The following ADIPOR1 variants were observed in gnomAD, a reference collection of about 807,000 sequenced individuals.
ADIPOR1 encodes adiponectin receptor 1, also known as adiponectin receptor protein 1.
A neutral mutation model predicts 37.5 loss-of-function variants in ADIPOR1; 15 were observed. That is an observed-to-expected ratio of 0.40 (90% CI 0.27 to 0.62). The LOEUF (loss-of-function observed/expected upper bound fraction) is 0.62, where lower values mean the gene tolerates loss of function less well. Among genes scored for constraint, ADIPOR1 ranks in the 20% least tolerant of loss-of-function variants. The pLI is 0.42. For missense variants in ADIPOR1, 286 were observed against 478.0 expected, an observed-to-expected ratio of 0.60 and a Z score of 3.75; for synonymous variants, 173 against 173.2, an observed-to-expected ratio of 1.00 and a Z score of 0.01.
rs372980347 is a variant in ADIPOR1 at position 202,943,909 on chromosome 1, C to T, written c.654G>A (p.Gly218=). Residue 218 remains glycine (G), a synonymous_variant, in exon 6 of 8, where the codon GGG becomes GGA. Transcript: ENST00000340990. ...AATAATAGAGCCAGGGGACAAAGCTCCCCATAATTAGAAGAGCAATCCCTG... is the reference window on the plus strand; with the variant it reads ...AATAATAGAGCCAGGGGACAAAGCTTCCCATAATTAGAAGAGCAATCCCTG... ...DYSGIALLIM[G]SFVPWLYYSF... 1.4e-5 allele frequency: 22 copies of T among 1,613,730 alleles called. 1 individual carries two copies. In the African/African-American group the frequency reaches 2.4e-4, roughly 18 times the overall value.
chr1:202,944,192 G>C (rs1225198092), intron 5 of ADIPOR1: 3 of 380,092 alleles, frequency 7.9e-6, no homozygotes, highest in Non-Finnish European at 9.6e-6. Flanking sequence ...TCCCTTACTA[G>C]TGAACAGCCG....
intron 2 of ADIPOR1, 30 bp from the exon 3 acceptor site, chr1:202,948,450 G>A (rs1191712330): frequency 6.3e-7 from 1 of 1,584,108 alleles, no homozygotes; most frequent in African/African-American, 1.3e-5. Flanking sequence ...CAACAATCCA[G>A]GGAGTCATCT....
chr1:202,948,170 A>G (rs1375414654), intron 3 of ADIPOR1, 134 bp downstream of exon 3: 8 of 687,476 alleles, frequency 1.2e-5, no homozygotes, highest in Non-Finnish European at 1.9e-5. Flanking sequence ...GATTTACCTC[A>G]TCTTAACCAA....
At chr1:202,946,750 G>T in intron 3 of ADIPOR1, 140 bp from the exon 4 acceptor site, 2 of 752,762 alleles carry the variant, frequency 2.7e-6, no homozygotes, top group Non-Finnish European at 4.4e-6. Flanking sequence ...AGCCTGGACT[G>T]GGGGATATCC....
At chr1:202,941,775 G>A (rs917993288) in intron 7 of ADIPOR1, 74 bp from the exon 8 acceptor site, 1 of 1,527,742 alleles carries the variant, frequency 6.5e-7, no homozygotes, top group African/African-American at 1.4e-5. Flanking sequence ...GAAAGCATTT[G>A]CTTCTTCTAG....
At chr1:202,953,852 C>T (rs750809552) in intron 1 of ADIPOR1, among the ~76,000 whole-genome samples, 2 of 152,180 alleles carry the variant, frequency 1.3e-5, no homozygotes, top group Non-Finnish European at 2.9e-5. Context: ...AATGGTCACA[C>T]ACTAAATTTA....
upstream of ADIPOR1, chr1:202,958,545 C>G (rs930933045): frequency 1.3e-5 from 2 of 152,498 alleles, no homozygotes; most frequent in Non-Finnish European, 2.9e-5. Context: ...TACACTCCAC[C>G]TCGTTATCGC....
At chr1:202,948,026 C>T (rs1256255414) in intron 3 of ADIPOR1, among the ~76,000 whole-genome samples, 3 of 152,208 alleles carry the variant, frequency 2.0e-5, no homozygotes, top group Non-Finnish European at 4.4e-5. Flanking sequence ...CAAAGGCATT[C>T]ATATTACTGT....
At chr1:202,956,577 A>T (rs1179800239) in intron 1 of ADIPOR1, among the ~76,000 whole-genome samples, 4 of 152,204 alleles carry the variant, frequency 2.6e-5, no homozygotes, top group Non-Finnish European at 5.9e-5. Context: ...GGAGGAATTC[A>T]AAAGAAAAGT....
chr1:202,952,007 C>T (rs1654595707), intron 1 of ADIPOR1, among the ~76,000 whole-genome samples: 1 of 152,064 alleles, frequency 6.6e-6, no homozygotes. Context: ...CAGAAAAACC[C>T]AGAATTCCAT....
At position 202,958,245 on chromosome 1, in the gene ADIPOR1, G is replaced by A. The variant is rs1011825002; in HGVS notation, c.-155C>T. ...CCCCGCGCTACATCCCGCGGCGCTG[G>A]AGGCGGCCTGCGGCCGAGCGGCCCC... On this transcript the variant is annotated 5_prime_UTR_variant, in exon 1 of 8. Transcript: ENST00000340990. 6.6e-6 allele frequency: 1 copy of A among 151,846 alleles called. No individual in the cohort carries two copies. Among genetic ancestry groups the A allele is most frequent in the Non-Finnish European group, 1.5e-5 (1 of 68,000 alleles). 9.4% of individuals were successfully genotyped at this position (151,846 alleles called of 1,614,324 possible). A position where few individuals can be genotyped will look rare whatever the true frequency, so the allele number is the denominator to read the frequency against.
chr1:202,955,399 AT>A (rs35989591), intron 1 of ADIPOR1, among the ~76,000 whole-genome samples: 61,616 of 151,518 alleles, frequency 0.41, 13,026 homozygotes, highest in East Asian at 0.62. Flanking sequence ...AGCTAATTTT[AT>A]TTTTTTGTAG....
chr1:202,951,843 G>A (rs1196949641), intron 1 of ADIPOR1, among the ~76,000 whole-genome samples: 1 of 152,204 alleles, frequency 6.6e-6, no homozygotes, highest in Non-Finnish European at 1.5e-5. Flanking sequence ...CTGGAAGCAG[G>A]AAGGTGAAGA....
intron 6 of ADIPOR1, among the ~76,000 whole-genome samples, chr1:202,943,521 C>G (rs981567378): frequency 3.3e-5 from 5 of 152,206 alleles, no homozygotes; most frequent in African/African-American, 1.2e-4. Context: ...TACATCTGTG[C>G]TTGCAGTTAA....
rs866324938 is a variant in ADIPOR1 at position 202,953,111 on chromosome 1, G to A, written c.-94-1947C>T. On this transcript the variant is annotated intron_variant, in intron 1 of 7. Transcript: ENST00000340990. ...AGCTGGAAGCCTATGAAAACCTCGA[G>A]GATGGGCAACCCGTGTGAGAGGGAC... is the stretch of plus-strand genomic sequence containing the variant. Among the ~76,000 whole-genome samples the A allele has an allele frequency of 3.9e-5, 6 of 152,236 alleles. No individual in the cohort carries two copies. In the South Asian group the frequency reaches 8.3e-4, roughly 21 times the overall value.
At chr1:202,944,016 T>G in intron 5 of ADIPOR1, 71 bp from the exon 6 acceptor site, 2 of 1,386,072 alleles carry the variant, frequency 1.4e-6, no homozygotes, top group Non-Finnish European at 2.0e-6. Flanking sequence ...TAACTAGCTC[T>G]TTCTGTTCTC....
At chr1:202,947,624 C>T (rs948176901) in intron 3 of ADIPOR1, among the ~76,000 whole-genome samples, 1 of 151,998 alleles carries the variant, frequency 6.6e-6, no homozygotes, top group Non-Finnish European at 1.5e-5. Flanking sequence ...TTTTAAAAAA[C>T]GTACAGATCC....
intron 2 of ADIPOR1, among the ~76,000 whole-genome samples, chr1:202,948,765 T>C (rs1005932065): frequency 2.6e-5 from 4 of 151,120 alleles, no homozygotes; most frequent in African/African-American, 9.7e-5. Flanking sequence ...CAAAGAGTTC[T>C]CTTTTCTAAG....
chr1:202,956,901 A>C (rs1402204496), intron 1 of ADIPOR1, among the ~76,000 whole-genome samples: 1 of 152,200 alleles, frequency 6.6e-6, no homozygotes, highest in Non-Finnish European at 1.5e-5. Flanking sequence ...ACCTGCAGGC[A>C]AAGTCTTGAC....
Sources: gnomAD v4.1 joint callset for allele counts (sites outside exome capture counted in the v4.1 genomes callset) on GRCh38, gnomAD v4.1.1 for gene constraint, MANE v1.5 for transcripts, NCBI Gene and HGNC (gene_info 2026-07-23, HGNC 2026-07-21) for gene names.